The following CPNE4 variants were observed in gnomAD, a reference collection of about 807,000 sequenced individuals.
The protein encoded by CPNE4 is copine-4.
Under a neutral mutation model 67.9 loss-of-function variants are expected in CPNE4, and 25 were observed. The ratio of observed to expected loss-of-function variants is 0.37; its 90% CI spans 0.27 to 0.51. The LOEUF is 0.51. Among genes scored for constraint, CPNE4 ranks in the 20% least tolerant of loss-of-function variants. The pLI is 0.93. For missense variants in CPNE4, 464 were observed against 690.8 expected, an observed-to-expected ratio of 0.67 and a Z score of 3.68; for synonymous variants, 242 against 244.9, an observed-to-expected ratio of 0.99 and a Z score of 0.11.
chr3:131,595,335 A>C (rs545490089), intron 7 of CPNE4, among the ~76,000 whole-genome samples: 2 of 152,366 alleles, frequency 1.3e-5, no homozygotes, highest in South Asian at 4.1e-4. Context: ...TTGATGAATG[A>C]ATGGATAAAG....
intron 2 of CPNE4, among the ~76,000 whole-genome samples, chr3:131,729,058 G>A (rs967854671): frequency 1.3e-5 from 2 of 152,148 alleles, no homozygotes; most frequent in African/African-American, 4.8e-5. Flanking sequence ...GAGCTAAATC[G>A]TGTGATGCTA....
chr3:132,020,836 C>T (rs2073980730), intron 1 of CPNE4, among the ~76,000 whole-genome samples: 1 of 152,194 alleles, frequency 6.6e-6, no homozygotes. Context: ...CCCAAAATTG[C>T]ACCCGCACAC....
rs146882881 is a variant in CPNE4 at position 131,704,465 on chromosome 3, G to A, written c.361-4485C>T. 1.7e-3 allele frequency among the ~76,000 whole-genome samples: 262 copies of A among 152,250 alleles called. 1 individual carries two copies. The highest frequency in any genetic ancestry group is 2.8e-3 in the Non-Finnish European group (192 of 68,018). On this transcript the variant is annotated intron_variant, in intron 3 of 15. Transcript: ENST00000429747. ...GCCTGACTTGTCCCAGTGAAATGAA[G>A]CTCCAGTTTCTCCCAGTGGTGATTT...
Position 131,952,175 on chromosome 3 carries a change from C to T in CPNE4, c.-1-46731G>A, listed in dbSNP as rs1308354875. On this transcript the variant is annotated intron_variant, in intron 1 of 15. Transcript: ENST00000429747. ...GAAGTGAGGAGCATCTCTGCCCGGCCGCCCATCGTCTGAGATGTGGGGAGC... is the reference window on the plus strand; with the variant it reads ...GAAGTGAGGAGCATCTCTGCCCGGCTGCCCATCGTCTGAGATGTGGGGAGC... Among the ~76,000 whole-genome samples, 11 of 150,732 alleles carry T rather than the reference C, an allele frequency of 7.3e-5. No individual in the cohort carries two copies. The East Asian group carries it at 8.0e-4, about 11-fold the overall frequency.
At chr3:131,905,667 T>C (rs1484751338) in intron 1 of CPNE4, among the ~76,000 whole-genome samples, 1 of 152,172 alleles carries the variant, frequency 6.6e-6, no homozygotes, top group East Asian at 1.9e-4. Flanking sequence ...TTAAGAACAC[T>C]ACTTTCTTGT....
At chr3:131,716,255 T>G (rs867346401) in intron 3 of CPNE4, among the ~76,000 whole-genome samples, 1 of 121,266 alleles carries the variant, frequency 8.2e-6, no homozygotes, top group Non-Finnish European at 1.9e-5. Flanking sequence ...GGAGGCAGAC[T>G]CTGAATGTGT....
At chr3:131,715,494 A>G (rs188311417) in intron 3 of CPNE4, among the ~76,000 whole-genome samples, 55 of 152,360 alleles carry the variant, frequency 3.6e-4, no homozygotes, top group African/African-American at 1.2e-3. Context: ...AAAGAGATCG[A>G]CAACTTGCTG....
chr3:131,743,971 A>AAAAAAAAAAAAAAAAAAAAAAC (rs2082419515), intron 2 of CPNE4, among the ~76,000 whole-genome samples: 3 of 148,566 alleles, frequency 2.0e-5, no homozygotes, highest in African/African-American at 7.3e-5. Context: ...TCAAAAAAAA[A>AAAAAAAAAAAAAAAAAAAAAAC]AAAAAAAAAA....
chr3:131,836,744 A>T (rs1266942366), intron 2 of CPNE4, among the ~76,000 whole-genome samples: 1 of 152,352 alleles, frequency 6.6e-6, no homozygotes, highest in East Asian at 1.9e-4. Context: ...AAAATGAAAA[A>T]TTTGTGTTTT....
At chr3:131,643,712 G>A (rs1482582830) in intron 7 of CPNE4, among the ~76,000 whole-genome samples, 1 of 152,164 alleles carries the variant, frequency 6.6e-6, no homozygotes, top group African/African-American at 2.4e-5. Flanking sequence ...GGAGGGACCT[G>A]GTGGGAGATA....
intron 1 of CPNE4, among the ~76,000 whole-genome samples, chr3:131,932,302 T>C (rs1164147451): frequency 1.3e-5 from 2 of 152,162 alleles, no homozygotes; most frequent in African/African-American, 4.8e-5. Context: ...AAATATGACA[T>C]ATTATGCCAT....
chr3:131,967,069 A>G (rs879058792), intron 1 of CPNE4, among the ~76,000 whole-genome samples: 1 of 152,246 alleles, frequency 6.6e-6, no homozygotes. Context: ...CTGGTTCAAC[A>G]TACACAAATC....
chr3:131,647,616 G>A (rs1260129660), intron 7 of CPNE4, among the ~76,000 whole-genome samples: 2 of 152,172 alleles, frequency 1.3e-5, no homozygotes, highest in Non-Finnish European at 2.9e-5. Context: ...AAAAAGCATG[G>A]ACTTTGGAGT....
chr3:131,980,441 T>C (rs1340520443), intron 1 of CPNE4, among the ~76,000 whole-genome samples: 3 of 152,166 alleles, frequency 2.0e-5, no homozygotes, highest in Non-Finnish European at 4.4e-5. Flanking sequence ...TTTGAAGACC[T>C]TGTCTTTGAG....
At chr3:131,746,847 A>T (rs1374076882) in intron 2 of CPNE4, among the ~76,000 whole-genome samples, 1 of 152,166 alleles carries the variant, frequency 6.6e-6, no homozygotes, top group African/African-American at 2.4e-5. Flanking sequence ...AAACCTCTAA[A>T]CTATTTCCCA....
At chr3:131,750,719 A>T (rs906231144) in intron 2 of CPNE4, among the ~76,000 whole-genome samples, 15 of 152,024 alleles carry the variant, frequency 9.9e-5, no homozygotes, top group South Asian at 2.1e-4. Context: ...AATGCCTATT[A>T]TTTTTCTATA....
intron 7 of CPNE4, among the ~76,000 whole-genome samples, chr3:131,635,044 C>G (rs2079339305): frequency 6.6e-6 from 1 of 152,148 alleles, no homozygotes; most frequent in Non-Finnish European, 1.5e-5. Flanking sequence ...ATGGCTCAAT[C>G]ATAAGGATGA....
intron 1 of CPNE4, among the ~76,000 whole-genome samples, chr3:131,913,967 G>T (rs897931004): frequency 3.9e-5 from 6 of 152,156 alleles, no homozygotes; most frequent in African/African-American, 1.4e-4. Context: ...GCAAATTACT[G>T]TGATCATTGC....
At chr3:131,733,477 T>C (rs761957598) in intron 2 of CPNE4, among the ~76,000 whole-genome samples, 10 of 152,378 alleles carry the variant, frequency 6.6e-5, no homozygotes, top group Admixed American at 1.3e-4. Flanking sequence ...CAAGATATGA[T>C]TCTATAACAT....
Sources: allele counts gnomAD v4.1 joint callset (sites outside exome capture counted in the v4.1 genomes callset), GRCh38; gene constraint gnomAD v4.1.1; transcripts MANE v1.5; gene names NCBI Gene and HGNC (gene_info 2026-07-23, HGNC 2026-07-21).